MXI1: variants seen among roughly 807,000 people sequenced by gnomAD.
The protein encoded by MXI1 is max-interacting protein 1.
Under a neutral mutation model 36.9 loss-of-function variants are expected in MXI1, and 18 were observed. The ratio of observed to expected loss-of-function variants is 0.49; its 90% CI spans 0.34 to 0.72. MXI1 has a LOEUF of 0.72. MXI1 is among the 30% of genes least tolerant of loss of function. The pLI, the probability that MXI1 is intolerant of heterozygous loss-of-function variation, is 0.01. For synonymous variants in MXI1, 160 were observed against 146.7 expected (o/e 1.09, Z -0.65); for missense variants, 304 against 379.1 (o/e 0.80, Z 1.64).
At chr10:110,235,731 C>T (rs1287484714) in intron 2 of MXI1, among the ~76,000 whole-genome samples, 3 of 150,770 alleles carry the variant, frequency 2.0e-5, no homozygotes, top group Admixed American at 1.3e-4. Context: ...GCTCTATTGG[C>T]CGGGTGTGGT....
At chr10:110,245,934 C>T (rs1019316502) in intron 3 of MXI1, 1 of 151,954 alleles carries the variant, frequency 6.6e-6, no homozygotes, top group Admixed American at 6.6e-5. Flanking sequence ...GATGATATTA[C>T]TGTTAATCAA....
intron 3 of MXI1, among the ~76,000 whole-genome samples, chr10:110,252,960 G>A (rs539976304): frequency 2.6e-5 from 4 of 152,134 alleles, no homozygotes; most frequent in East Asian, 1.9e-4. Context: ...GGAGTTTATC[G>A]TACTTTTTTA....
At chr10:110,257,422 C>T (rs558513356) in intron 3 of MXI1, 2 of 151,954 alleles carry the variant, frequency 1.3e-5, no homozygotes, top group South Asian at 4.2e-4. Flanking sequence ...GATTCTCCTA[C>T]TTCAACCTCC....
At chr10:110,281,219 A>G (rs1010410016) in intron 5 of MXI1, among the ~76,000 whole-genome samples, 4 of 152,122 alleles carry the variant, frequency 2.6e-5, no homozygotes, top group African/African-American at 7.2e-5. Context: ...CTCACCCTCA[A>G]TATTTTTTCT....
intron 3 of MXI1, among the ~76,000 whole-genome samples, chr10:110,251,581 T>G (rs529212023): frequency 1.3e-4 from 20 of 152,198 alleles, no homozygotes; most frequent in South Asian, 1.0e-3. Flanking sequence ...AAAAAGAAAT[T>G]GAAGAAAATA....
At position 110,211,876 on chromosome 10, in the gene MXI1, C is replaced by T. The variant is rs1158046043; in HGVS notation, c.274+3794C>T. On this transcript the variant is annotated intron_variant, in intron 1 of 5. Transcript: ENST00000332674. ...ATCATGAAGGCTGTGATCCTATTAC[C>T]ACAAATTCAGAAATTATATGTAAAT... is the stretch of plus-strand genomic sequence containing the variant. 5.3e-5 allele frequency among the ~76,000 whole-genome samples: 8 copies of T among 152,296 alleles called. No individual in the cohort carries two copies. In the East Asian group the frequency reaches 1.3e-3, roughly 26 times the overall value.
intron 1 of MXI1, among the ~76,000 whole-genome samples, chr10:110,212,809 G>T (rs1854543591): frequency 6.6e-6 from 1 of 152,118 alleles, no homozygotes; most frequent in South Asian, 2.1e-4. Context: ...TCAATAAATA[G>T]CAACTTCTCT....
At position 110,272,542 on chromosome 10, in the gene MXI1, G is replaced by A. The variant is rs531488587; in HGVS notation, c.438-6638G>A. ...ACCTCTAGAGGTATATATAGCCTAT[G>A]CTAAGAACTATTTATATTTTATTGA... is the stretch of plus-strand genomic sequence containing the variant. On this transcript the variant is annotated intron_variant, in intron 3 of 5. Coordinates refer to ENST00000332674, the MANE Select transcript of MXI1 (RefSeq NM_130439.3). Among the ~76,000 whole-genome samples, 173 of 152,136 alleles carry A rather than the reference G, an allele frequency of 1.1e-3. 1 individual carries two copies. The highest frequency in any genetic ancestry group is 4.0e-3 in the African/African-American group (165 of 41,520).
chr10:110,279,968 G>A lies in MXI1; in HGVS notation c.607G>A (p.Glu203Lys). Residue 203 changes from glutamate (E) to lysine (K), a missense_variant, in exon 5 of 6, where the codon GAA becomes AAA. Physicochemically the swap from Glu to Lys is moderately conservative, Grantham distance 56. This residue lies in a region of MXI1 where 125 missense variants were observed against 194.3 expected (regional missense o/e 0.64). Coordinates refer to ENST00000332674, the MANE Select transcript of MXI1 (RefSeq NM_130439.3). ...GCACCAGCTCGAGAATTTGGAACGA[G>A]AACAGAGATTTTTAAAGTGGCGACT... ...SQHQLENLER[E>K]QRFLKWRLEQ... 1.2e-6 allele frequency: 2 copies of A among 1,613,164 alleles called. No homozygotes were observed. Among genetic ancestry groups the A allele is most frequent in the African/African-American group, 2.7e-5 (2 of 75,004 alleles).
intron 2 of MXI1, among the ~76,000 whole-genome samples, chr10:110,240,501 T>C (rs1345498464): frequency 6.6e-6 from 1 of 152,070 alleles, no homozygotes; most frequent in African/African-American, 2.4e-5. Flanking sequence ...ATTCAAATTT[T>C]ACTGTTTTTA....
At chr10:110,244,890 C>A in intron 3 of MXI1, 33 bp downstream of exon 3, 1 of 1,599,200 alleles carries the variant, frequency 6.3e-7, no homozygotes, top group South Asian at 1.1e-5. Context: ...CTTTCACTTA[C>A]GTTTAAAAGC....
intron 2 of MXI1, among the ~76,000 whole-genome samples, chr10:110,244,390 G>C (rs1443097851): frequency 3.3e-5 from 5 of 151,860 alleles, no homozygotes; most frequent in Admixed American, 3.3e-4. Flanking sequence ...CAGCTTCTAT[G>C]CTAGCCAAAA....
At chr10:110,282,362 T>G (rs1857284006) in intron 5 of MXI1, among the ~76,000 whole-genome samples, 2 of 152,188 alleles carry the variant, frequency 1.3e-5, no homozygotes, top group African/African-American at 4.8e-5. Flanking sequence ...TTCTTGTTTT[T>G]CTGTTTTGTT....
intron 1 of MXI1, chr10:110,210,165 G>GGGCGGGCCCGT (rs1854476580): frequency 1.2e-6 from 1 of 815,772 alleles, no homozygotes; most frequent in Non-Finnish European, 1.5e-6. Flanking sequence ...GCCCCGCGCG[G>GGGCGGGCCCGT]GGCGGGCCCG....
chr10:110,282,343 C>G (rs1381258764), intron 5 of MXI1, among the ~76,000 whole-genome samples: 1 of 152,098 alleles, frequency 6.6e-6, no homozygotes, highest in African/African-American at 2.4e-5. Flanking sequence ...TTTAACACAA[C>G]CCTAGGAGTT....
chr10:110,284,786 A>G, intron 5 of MXI1, 38 bp from the exon 6 acceptor site: 2 of 1,528,182 alleles, frequency 1.3e-6, no homozygotes, highest in Non-Finnish European at 1.7e-6. Flanking sequence ...GCTATACTCG[A>G]TAATTAATGT....
chr10:110,256,468 T>C (rs12242722), intron 3 of MXI1, among the ~76,000 whole-genome samples: 2 of 151,710 alleles, frequency 1.3e-5, no homozygotes, highest in East Asian at 3.9e-4. Context: ...CCGGGCATGG[T>C]GGTGCATGCC....
intron 3 of MXI1, among the ~76,000 whole-genome samples, chr10:110,246,783 CTCCTTCGTTTTAAAGAA>C (rs1590367245): frequency 6.6e-6 from 1 of 151,860 alleles, no homozygotes; most frequent in Non-Finnish European, 1.5e-5. Flanking sequence ...GTGGTAGAAA[CTCCTTCGTTTTAAAGAA>C]TCTTTTCTGC....
chr10:110,270,790 A>G (rs1232559831), intron 3 of MXI1, among the ~76,000 whole-genome samples: 1 of 151,998 alleles, frequency 6.6e-6, no homozygotes, highest in Non-Finnish European at 1.5e-5. Context: ...CCTTTGCTTC[A>G]CTATTAAAAA....
Sources: gnomAD v4.1 joint callset for allele counts (sites outside exome capture counted in the v4.1 genomes callset) on GRCh38, gnomAD v4.1.1 for gene constraint, gnomAD v4.1.1 regional missense constraint, MANE v1.5 for transcripts, NCBI Gene and HGNC (gene_info 2026-07-23, HGNC 2026-07-21) for gene names.